Variants in DYNC2I2 observed in about 807,000 individuals in gnomAD.
The protein encoded by DYNC2I2 is dynein 2 intermediate chain 2, also known as cytoplasmic dynein 2 intermediate chain 2.
DYNC2I2 carries 39 observed loss-of-function variants against 52.0 expected under a neutral mutation model. That is an observed-to-expected ratio of 0.75 (90% CI 0.58 to 0.98). DYNC2I2 has a LOEUF of 0.98. DYNC2I2 is among the 50% of genes least tolerant of loss of function. The pLI is 0.00. For missense variants in DYNC2I2, 743 were observed against 728.4 expected (o/e 1.02, Z -0.23); for synonymous variants, 359 against 321.1 (o/e 1.12, Z -1.26).
upstream of DYNC2I2, among the ~76,000 whole-genome samples, chr9:128,657,447 C>T (rs910380073): frequency 4.0e-5 from 6 of 151,724 alleles, no homozygotes; most frequent in Non-Finnish European, 7.4e-5. Context: ...CCATTCCGCG[C>T]GCCCCACCGG....
Position 128,635,586 on chromosome 9 carries a change from TC to T in DYNC2I2, c.813+71del, listed in dbSNP as rs1477432345. The T allele has an allele frequency of 1.2e-4, 164 of 1,403,100 alleles. 2 individuals carry two copies. In the South Asian group the frequency reaches 1.6e-3, roughly 14 times the overall value. The allele number at this position is 1,403,100 out of a possible 1,614,324, so 86.9% of individuals were successfully genotyped here. ...CCAACTGCCAACGCCCGGGTGACCT[TC>T]CTAGGAGAGTGGGCGCCCTCTCCCC... On this transcript the variant is annotated intron_variant, in intron 5 of 8. Transcript: ENST00000372715.
the DYNC2I2 span, chr9:128,683,383 C>T: frequency 2.3e-4 from 47 of 206,356 alleles, no homozygotes; most frequent in Non-Finnish European, 4.4e-4. Context: ...CAAGGGAGGT[C>T]AGGAAGGAGT....
intron 1 of DYNC2I2, 94 bp downstream of exon 1, chr9:128,656,447 G>C (rs1020161759): frequency 1.9e-6 from 2 of 1,074,938 alleles, no homozygotes; most frequent in Admixed American, 9.3e-5. Context: ...GAACCCGCCC[G>C]GCAGCCACGG....
upstream of DYNC2I2, among the ~76,000 whole-genome samples, chr9:128,658,355 G>T (rs1162517469): frequency 6.6e-6 from 1 of 151,784 alleles, no homozygotes; most frequent in Non-Finnish European, 1.5e-5. Context: ...TAGTAGAGAA[G>T]GGTTTCACCA....
chr9:128,673,549 GGGCTGGAGTGCAGTGGTGCAATCTC>G, the DYNC2I2 span, among the ~76,000 whole-genome samples: 1 of 147,976 alleles, frequency 6.8e-6, no homozygotes, highest in Non-Finnish European at 1.5e-5. Context: ...TCTGTCACCC[GGGCTGGAGTGCAGTGGTGCAATCTC>G]GGCTCACTGC....
At chr9:128,660,451 C>CTAAA (rs1860905320), upstream of DYNC2I2, among the ~76,000 whole-genome samples, 1 of 151,134 alleles carries the variant, frequency 6.6e-6, no homozygotes, top group African/African-American at 2.4e-5. Context: ...TTCTGTTGCC[C>CTAAA]AGAGTGGACT....
At chr9:128,634,459 C>G (rs1394822141) in intron 7 of DYNC2I2, 76 bp from the exon 8 acceptor site, 3 of 1,504,328 alleles carry the variant, frequency 2.0e-6, no homozygotes, top group Non-Finnish European at 2.7e-6. Flanking sequence ...ACACCAGACC[C>G]CTCCTGGGCT....
intron 4 of DYNC2I2, 39 bp from the exon 5 acceptor site, chr9:128,635,806 C>T (rs1184436260): frequency 9.0e-6 from 14 of 1,558,272 alleles, no homozygotes; most frequent in South Asian, 1.1e-5. Flanking sequence ...CTCAGCCCCA[C>T]CCCCAGCCTG....
the DYNC2I2 span, among the ~76,000 whole-genome samples, chr9:128,666,192 A>G: frequency 6.6e-6 from 1 of 151,860 alleles, no homozygotes. Flanking sequence ...CCTGGCCAAC[A>G]TGGAGAAAAC....
intron 5 of DYNC2I2, 46 bp from the exon 6 acceptor site, chr9:128,635,305 G>T (rs770394425): frequency 3.1e-6 from 5 of 1,589,962 alleles, no homozygotes; most frequent in Non-Finnish European, 4.3e-6. Flanking sequence ...AGGGACACCT[G>T]CCCAGGTGTC....
the DYNC2I2 span, among the ~76,000 whole-genome samples, chr9:128,670,471 C>T: frequency 1.3e-5 from 2 of 151,272 alleles, no homozygotes; most frequent in African/African-American, 4.9e-5. Context: ...AACACAGTGG[C>T]TTACACCTAT....
At chr9:128,644,652 C>A (rs567009996) in intron 1 of DYNC2I2, among the ~76,000 whole-genome samples, 1 of 152,282 alleles carries the variant, frequency 6.6e-6, no homozygotes, top group East Asian at 1.9e-4. Flanking sequence ...CTCCCGAACA[C>A]GTGCGAAGCT....
the DYNC2I2 span, among the ~76,000 whole-genome samples, chr9:128,681,536 C>T: frequency 6.6e-6 from 1 of 152,132 alleles, no homozygotes; most frequent in Non-Finnish European, 1.5e-5. Context: ...ATGAATCTTG[C>T]TGCTGTGAAC....
chr9:128,636,937 CCA>C lies in DYNC2I2; in HGVS notation c.524_525del (p.Val175GlyfsTer17). The part of the protein sequence containing the change: ...TSISWNSTGS[V>X]VACAYGRLDH... ...ACTCACCGGCCGTAGGCACAGGCCA[CCA>C]CAGAGCCAGTGGAGTTCCAGGAGAT... On this transcript the variant is annotated frameshift_variant, in exon 3 of 9. Transcript: ENST00000372715. LOFTEE classifies it high-confidence loss of function. 6.2e-7 allele frequency: 1 copy of C among 1,612,854 alleles called. No individual in the cohort carries two copies. Among genetic ancestry groups the C allele is most frequent in the Non-Finnish European group, 8.5e-7 (1 of 1,179,962 alleles).
intron 2 of DYNC2I2, among the ~76,000 whole-genome samples, chr9:128,640,256 C>A (rs920843279): frequency 6.6e-6 from 1 of 151,996 alleles, no homozygotes. Flanking sequence ...GTGATCCGCC[C>A]GCCTCGGCCT....
chr9:128,639,794 T>C (rs1216582696), intron 2 of DYNC2I2, among the ~76,000 whole-genome samples: 2 of 151,326 alleles, frequency 1.3e-5, no homozygotes, highest in East Asian at 3.9e-4. Context: ...GCCTCCCGAG[T>C]AGCTGGAACA....
At chr9:128,657,226 A>G (rs1282392738), upstream of DYNC2I2, among the ~76,000 whole-genome samples, 1 of 152,234 alleles carries the variant, frequency 6.6e-6, no homozygotes, top group Non-Finnish European at 1.5e-5. Flanking sequence ...GATGATGAAA[A>G]ATATTCCTAC....
chr9:128,656,624 G>A lies in DYNC2I2; in HGVS notation c.103C>T (p.Pro35Ser), dbSNP rs774944828. 7.5e-5 allele frequency: 112 copies of A among 1,498,012 alleles called. No homozygotes were observed. Among genetic ancestry groups the A allele is most frequent in the Non-Finnish European group, 8.6e-5 (97 of 1,131,516 alleles). 92.8% of individuals were successfully genotyped at this position (1,498,012 alleles called of 1,614,324 possible). ...AGGGTCTCGTCCTGCAGCGGCCCTG[G>A]CCGCCCCGGCCCCGGGCCGCTCGCA... ...GVASGPGPGR[P>S]GPLQDETLGV... The change falls in exon 1 of 9, where the codon CCA becomes TCA. Residue 35 changes from proline to serine, a missense_variant. Pro to Ser is a moderately conservative substitution (Grantham distance 74, BLOSUM62 -1). Coordinates refer to ENST00000372715, the MANE Select transcript of DYNC2I2 (RefSeq NM_052844.4).
At chr9:128,684,043 G>A in the DYNC2I2 span, 3 of 1,474,654 alleles carry the variant, frequency 2.0e-6, no homozygotes, top group African/African-American at 4.2e-5. Context: ...GGAGATTTAA[G>A]GGATTTGCAA....
Sources: gnomAD v4.1 joint callset for allele counts (sites outside exome capture counted in the v4.1 genomes callset) on GRCh38, gnomAD v4.1.1 for gene constraint, MANE v1.5 for transcripts, NCBI Gene and HGNC (gene_info 2026-07-23, HGNC 2026-07-21) for gene names.